Variants in ACACB observed in about 807,000 individuals in gnomAD.
The protein encoded by ACACB is acetyl-CoA carboxylase beta.
ACACB carries 209 observed loss-of-function variants against 278.8 expected under a neutral mutation model. That is an observed-to-expected ratio of 0.75 (90% confidence interval 0.67 to 0.84). The LOEUF is 0.84. Among genes scored for constraint, ACACB ranks in the 40% least tolerant of loss-of-function variants. The pLI is 0.00. For synonymous variants in ACACB, 1,174 were observed against 1,285.6 expected (o/e 0.91, Z 1.86); for missense variants, 2,850 against 3,269.0 (o/e 0.87, Z 3.13).
chr12:109,264,727 C>T (rs1282977590), intron 50 of ACACB, among the ~76,000 whole-genome samples: 1 of 152,090 alleles, frequency 6.6e-6, no homozygotes, highest in African/African-American at 2.4e-5. Flanking sequence ...CCAGCATTCA[C>T]CCACCCCTCA....
At chr12:109,260,114 G>A (rs1251396854) in intron 47 of ACACB, 17 of 1,374,158 alleles carry the variant, frequency 1.2e-5, no homozygotes, top group African/African-American at 4.4e-5. Context: ...TAAGGGCCAT[G>A]TTGCCCATGC....
At chr12:109,113,331 A>G (rs140650344), upstream of ACACB, 314 of 152,388 alleles carry the variant, frequency 2.1e-3, 1 homozygote, top group Middle Eastern at 6.8e-3. Flanking sequence ...CACATGCTGG[A>G]TGTGGAGCTG....
At chr12:109,174,748 T>C (rs2136199164) in intron 7 of ACACB, among the ~76,000 whole-genome samples, 1 of 151,896 alleles carries the variant, frequency 6.6e-6, no homozygotes, top group South Asian at 2.1e-4. Flanking sequence ...TGCATACCTG[T>C]AGTCCCAACT....
chr12:109,167,789 CG>C (rs1484739902), intron 3 of ACACB, 106 bp from the exon 4 acceptor site: 1 of 1,519,920 alleles, frequency 6.6e-7, no homozygotes, highest in Non-Finnish European at 9.0e-7. Context: ...TGATGTGCTG[CG>C]GGGGCTGCAG....
At chr12:109,129,895 C>T (rs961989137) in intron 1 of ACACB, among the ~76,000 whole-genome samples, 3 of 151,216 alleles carry the variant, frequency 2.0e-5, no homozygotes, top group African/African-American at 4.9e-5. Context: ...CAGCAGAAGC[C>T]GCCATCACTA....
intron 48 of ACACB, among the ~76,000 whole-genome samples, chr12:109,261,001 T>C (rs1210672718): frequency 6.6e-6 from 1 of 152,200 alleles, no homozygotes; most frequent in Non-Finnish European, 1.5e-5. Flanking sequence ...ACTCTCCTGG[T>C]AGGTGGTCAG....
rs554850690 is a variant in ACACB at position 109,169,869 on chromosome 12, C to T, written c.925+1835C>T. 3.3e-5 allele frequency among the ~76,000 whole-genome samples: 5 copies of T among 152,292 alleles called. No homozygotes were observed. The South Asian group carries it at 8.3e-4, about 25-fold the overall frequency. Reference sequence around the variant, plus strand: ...TCATCTCTGGAATCTCCCCGTTGGCCGACACTTCTGTGTTTGATAAACATA... The same window carrying T: ...TCATCTCTGGAATCTCCCCGTTGGCTGACACTTCTGTGTTTGATAAACATA... On this transcript the variant is annotated intron_variant, in intron 4 of 52. Transcript: ENST00000338432.
At position 109,140,114 on chromosome 12, in the gene ACACB, A is replaced by G. The variant is rs945569841; in HGVS notation, c.653+56A>G. The G allele has an allele frequency of 1.3e-5, 19 of 1,489,568 alleles. No homozygotes were observed. The African/African-American group carries it at 2.2e-4, about 17-fold the overall frequency. The allele number at this position is 1,489,568 out of a possible 1,614,324, so 92.3% of individuals were successfully genotyped here. On this transcript the variant is annotated intron_variant, in intron 2 of 52. Coordinates refer to ENST00000338432, the MANE Select transcript of ACACB (RefSeq NM_001093.4). ...AGTGCAGAGTTCAGGTGGGGTCCAC[A>G]CCCTTCCCAACCTGTGCCCACCTTG...
chr12:109,203,907 A>T (rs551185524), intron 19 of ACACB, among the ~76,000 whole-genome samples: 1 of 152,314 alleles, frequency 6.6e-6, no homozygotes, highest in East Asian at 1.9e-4. Flanking sequence ...ATGAATGTTT[A>T]CACCCTCCTA....
chr12:109,198,767 T>A (rs2045227099), intron 17 of ACACB, among the ~76,000 whole-genome samples: 1 of 152,024 alleles, frequency 6.6e-6, no homozygotes, highest in Non-Finnish European at 1.5e-5. Context: ...ACTACTGGCA[T>A]ATGCTACCAC....
chr12:109,146,348 C>T (rs2136055813), intron 2 of ACACB, among the ~76,000 whole-genome samples: 1 of 152,348 alleles, frequency 6.6e-6, no homozygotes, highest in South Asian at 2.1e-4. Context: ...TTCCTACATT[C>T]ACCTCTTCCT....
intron 2 of ACACB, among the ~76,000 whole-genome samples, chr12:109,142,631 A>G (rs1209768378): frequency 1.3e-5 from 2 of 151,998 alleles, no homozygotes; most frequent in African/African-American, 4.8e-5. Flanking sequence ...CAGTGGCATG[A>G]TCTTGGCTCA....
intron 1 of ACACB, among the ~76,000 whole-genome samples, chr12:109,133,865 T>TATATATATATATATATA (rs56119414): frequency 8.4e-5 from 2 of 23,908 alleles, no homozygotes; most frequent in African/African-American, 2.0e-4. Flanking sequence ...ATATATATAT[T>TATATATATATATATATA]TTTTTTTTTT....
intron 19 of ACACB, among the ~76,000 whole-genome samples, chr12:109,202,602 A>G (rs1162056415): frequency 6.6e-6 from 1 of 152,202 alleles, no homozygotes; most frequent in Non-Finnish European, 1.5e-5. Context: ...GGTGTGAGCC[A>G]CTGCACCTGG....
chr12:109,247,691 G>C lies in ACACB; in HGVS notation c.5657G>C (p.Gly1886Ala). Residue 1886 changes from glycine (G) to alanine (A), a missense_variant, in exon 40 of 53, where the codon GGA (glycine) becomes GCA (alanine). Gly to Ala is a moderately conservative substitution (Grantham distance 60). Around this residue, in one of 3 missense-constraint regions of ACACB, gnomAD observed 2,265 missense variants for 2,561.3 expected, o/e 0.88. Coordinates refer to ENST00000338432, the MANE Select transcript of ACACB (RefSeq NM_001093.4). ...NSVHCKHIEE[G>A]GESRYMITDI... ...GTCCACTGTAAACACATCGAGGAAGGAGGAGAGTCCAGGTAAATAACTTAT... is the reference window on the plus strand; with the variant it reads ...GTCCACTGTAAACACATCGAGGAAGCAGGAGAGTCCAGGTAAATAACTTAT... 6.8e-6 allele frequency: 11 copies of C among 1,613,466 alleles called. No individual in the cohort carries two copies. The highest frequency in any genetic ancestry group is 9.3e-6 in the Non-Finnish European group (11 of 1,179,588).
chr12:109,133,861 A>ATTTTT (rs1236378780), intron 1 of ACACB, among the ~76,000 whole-genome samples: 3 of 46,352 alleles, frequency 6.5e-5, no homozygotes, highest in African/African-American at 2.6e-4. Context: ...ATATATATAT[A>ATTTTT]TATTTTTTTT....
intron 1 of ACACB, among the ~76,000 whole-genome samples, chr12:109,135,718 T>C (rs1230251731): frequency 6.6e-6 from 1 of 151,990 alleles, no homozygotes; most frequent in Non-Finnish European, 1.5e-5. Context: ...TTAATGATTG[T>C]ATGTGGTATG....
intron 1 of ACACB, among the ~76,000 whole-genome samples, chr12:109,117,047 CTTTTTTTTT>C (rs71747045): frequency 2.8e-5 from 3 of 109,074 alleles, no homozygotes; most frequent in Non-Finnish European, 3.6e-5. Context: ...AATGGTTGTT[CTTTTTTTTT>C]TTTTTTTTTT....
chr12:109,191,065 C>G (rs1368428707), intron 13 of ACACB, among the ~76,000 whole-genome samples: 1 of 152,144 alleles, frequency 6.6e-6, no homozygotes, highest in African/African-American at 2.4e-5. Flanking sequence ...CTCGAACACC[C>G]TCATGAAGTC....
Sources: allele counts gnomAD v4.1 joint callset (sites outside exome capture counted in the v4.1 genomes callset), GRCh38; gene constraint gnomAD v4.1.1; regional missense constraint gnomAD v4.1.1; transcripts MANE v1.5; gene names NCBI Gene and HGNC (gene_info 2026-07-23, HGNC 2026-07-21).